Variants in CPNE4 observed in about 807,000 individuals in gnomAD.
CPNE4 encodes copine 4, also known as copine-4.
CPNE4 carries 25 observed loss-of-function variants against 67.9 expected under a neutral mutation model. That is an observed-to-expected ratio of 0.37 (90% CI 0.27 to 0.51). The LOEUF (loss-of-function observed/expected upper bound fraction) is 0.51, where lower values mean the gene tolerates loss of function less well. Among genes scored for constraint, CPNE4 ranks in the 20% least tolerant of loss-of-function variants. CPNE4 has a pLI of 0.93. For missense variants in CPNE4, 464 were observed against 690.8 expected, an observed-to-expected ratio of 0.67 and a Z score of 3.68; for synonymous variants, 242 against 244.9, an observed-to-expected ratio of 0.99 and a Z score of 0.11.
chr3:131,964,085 G>C (rs949789155), intron 1 of CPNE4, among the ~76,000 whole-genome samples: 1 of 152,158 alleles, frequency 6.6e-6, no homozygotes, highest in Non-Finnish European at 1.5e-5. Flanking sequence ...GGCAAACAGG[G>C]TCTGGAGTGG....
At chr3:131,775,174 G>A (rs1230365622) in intron 2 of CPNE4, among the ~76,000 whole-genome samples, 1 of 152,124 alleles carries the variant, frequency 6.6e-6, no homozygotes, top group African/African-American at 2.4e-5. Flanking sequence ...AGAAGGCCCT[G>A]TGAAATGGCC....
intron 4 of CPNE4, among the ~76,000 whole-genome samples, chr3:131,699,704 T>C (rs1215122522): frequency 6.6e-6 from 1 of 152,274 alleles, no homozygotes; most frequent in Admixed American, 6.5e-5. Flanking sequence ...TTTCCTTTTT[T>C]ATTTTTCCTA....
At chr3:131,663,020 A>T (rs1477686619) in intron 7 of CPNE4, among the ~76,000 whole-genome samples, 1 of 152,238 alleles carries the variant, frequency 6.6e-6, no homozygotes. Context: ...ACGTATGTTT[A>T]TCACAGTACT....
At chr3:131,550,376 T>C (rs1206867851) in intron 13 of CPNE4, among the ~76,000 whole-genome samples, 2 of 152,102 alleles carry the variant, frequency 1.3e-5, no homozygotes, top group African/African-American at 4.8e-5. Context: ...GAAATAGATG[T>C]TATACCCATT....
chr3:131,896,012 C>G, intron 2 of CPNE4, among the ~76,000 whole-genome samples: 1 of 151,672 alleles, frequency 6.6e-6, no homozygotes, highest in Non-Finnish European at 1.5e-5. Context: ...AATGTTCCTA[C>G]TCTTTATCAT....
chr3:131,986,162 C>G (rs1382424596), intron 1 of CPNE4, among the ~76,000 whole-genome samples: 6 of 150,146 alleles, frequency 4.0e-5, no homozygotes, highest in Non-Finnish European at 8.9e-5. Flanking sequence ...TTAAGCCCTT[C>G]TCCTTAGCAG....
chr3:131,809,931 T>C (rs2084459605), intron 2 of CPNE4, among the ~76,000 whole-genome samples: 1 of 151,628 alleles, frequency 6.6e-6, no homozygotes, highest in African/African-American at 2.4e-5. Context: ...GAAAAAGAAT[T>C]GAAAAGGAGT....
chr3:132,034,666 T>C lies in CPNE4; in HGVS notation c.-101A>G. On this transcript the variant is annotated 5_prime_UTR_variant, in exon 1 of 16. Coordinates refer to ENST00000429747, the MANE Select transcript of CPNE4 (RefSeq NM_130808.3). ...AATCCGGCTTTGAAGTGGAGGTGGT[T>C]GGTGTGGTAGTTTTGTACTGATGTA... 2 of 984,984 alleles carry C rather than the reference T, an allele frequency of 2.0e-6. No homozygotes were observed. The highest frequency in any genetic ancestry group is 2.4e-6 in the Non-Finnish European group (2 of 829,818). The allele number at this position is 984,984 out of a possible 1,614,324, so 61.0% of individuals were successfully genotyped here.
At chr3:131,888,186 A>G (rs2087969427) in intron 2 of CPNE4, among the ~76,000 whole-genome samples, 2 of 152,228 alleles carry the variant, frequency 1.3e-5, no homozygotes, top group Admixed American at 1.3e-4. Flanking sequence ...TTTCAGGGTA[A>G]TTGTCACATA....
chr3:132,013,894 T>C (rs2073830093), intron 1 of CPNE4, among the ~76,000 whole-genome samples: 1 of 152,176 alleles, frequency 6.6e-6, no homozygotes, highest in Non-Finnish European at 1.5e-5. Context: ...CCCTAGAGCC[T>C]GTGGTCCTAA....
At chr3:131,668,773 C>T (rs1415728302) in intron 7 of CPNE4, among the ~76,000 whole-genome samples, 1 of 152,146 alleles carries the variant, frequency 6.6e-6, no homozygotes, top group East Asian at 1.9e-4. Context: ...ATAAAAACAT[C>T]TCCTGAAATC....
chr3:131,622,078 A>C (rs192844652), intron 7 of CPNE4, among the ~76,000 whole-genome samples: 41 of 152,058 alleles, frequency 2.7e-4, no homozygotes, highest in African/African-American at 9.6e-4. Flanking sequence ...TAGCTGTCAC[A>C]TTCCAATGTG....
intron 6 of CPNE4, among the ~76,000 whole-genome samples, chr3:131,681,870 C>T (rs547178451): frequency 6.6e-6 from 1 of 152,068 alleles, no homozygotes; most frequent in East Asian, 1.9e-4. Flanking sequence ...AGCCTATCTT[C>T]AAGCTAATTC....
intron 2 of CPNE4, among the ~76,000 whole-genome samples, chr3:131,878,780 G>T (rs531675883): frequency 6.6e-6 from 1 of 152,246 alleles, no homozygotes; most frequent in South Asian, 2.1e-4. Flanking sequence ...GATGGGGTAT[G>T]CGCTTATCTC....
At chr3:131,553,985 G>A (rs1382989871) in intron 12 of CPNE4, among the ~76,000 whole-genome samples, 1 of 151,998 alleles carries the variant, frequency 6.6e-6, no homozygotes, top group Non-Finnish European at 1.5e-5. Flanking sequence ...GTGAACAAGA[G>A]GACTTCAGAA....
intron 7 of CPNE4, among the ~76,000 whole-genome samples, chr3:131,645,177 C>T (rs137897987): frequency 7.2e-5 from 11 of 152,298 alleles, no homozygotes; most frequent in Non-Finnish European, 1.3e-4. Context: ...TAACATCGTA[C>T]CTACCTTGAA....
In CPNE4 at chr3:131,879,050, C is replaced by T. The variant is rs368058603; in HGVS notation, c.180+26214G>A. Among the ~76,000 whole-genome samples, 6 of 152,318 alleles carry T rather than the reference C, an allele frequency of 3.9e-5. 1 individual carries two copies. The highest frequency in any genetic ancestry group is 3.3e-4 in the Admixed American group (5 of 15,306). On this transcript the variant is annotated intron_variant, in intron 2 of 15. Transcript: ENST00000429747. ...TGTCTCCTATTGCATTGATATCGTG[C>T]GTCTGTTTCATTTGGTAAGCCTACT...
intron 1 of CPNE4, among the ~76,000 whole-genome samples, chr3:132,005,681 T>C (rs1175643803): frequency 6.6e-6 from 1 of 151,760 alleles, no homozygotes; most frequent in Non-Finnish European, 1.5e-5. Context: ...GACCCCCACA[T>C]ATACCCAAAT....
At chr3:131,758,267 A>G (rs1222305964) in intron 2 of CPNE4, among the ~76,000 whole-genome samples, 2 of 152,224 alleles carry the variant, frequency 1.3e-5, no homozygotes, top group African/African-American at 4.8e-5. Flanking sequence ...CCACAGGGGA[A>G]GAGCTGTCCA....
Sources: gnomAD v4.1 joint callset for allele counts (sites outside exome capture counted in the v4.1 genomes callset) on GRCh38, gnomAD v4.1.1 for gene constraint, MANE v1.5 for transcripts, NCBI Gene and HGNC (gene_info 2026-07-23, HGNC 2026-07-21) for gene names.